Variants in CSF2RA observed in about 807,000 individuals in gnomAD.
The protein encoded by CSF2RA is granulocyte-macrophage colony-stimulating factor receptor subunit alpha.
CSF2RA carries 42 observed loss-of-function variants against 51.6 expected under a neutral mutation model. The observed-to-expected ratio is 0.81, with a 90% CI of 0.64 to 1.05. The LOEUF is 1.05. Ranked by LOEUF, CSF2RA falls within the 50% of genes least tolerant of loss-of-function variation. The pLI is 0.00. For missense variants in CSF2RA, 530 were observed against 501.1 expected (o/e 1.06, Z -0.55); for synonymous variants, 222 against 193.0 (o/e 1.15, Z -1.24).
chrX:1,287,077 ATAAT>A (rs1289946656), intron 4 of CSF2RA: 1 of 151,536 alleles, frequency 6.6e-6, no homozygotes, highest in African/African-American at 2.4e-5. Context: ...TGGAAGATTG[ATAAT>A]CAATTCTATA....
chrX:1,294,576 G>A lies in CSF2RA; in HGVS notation c.780+115G>A. On this transcript the variant is annotated intron_variant, in intron 8 of 12. Coordinates refer to ENST00000381529, the MANE Select transcript of CSF2RA (RefSeq NM_172245.4). ...TGGGGGAAGGATGCGTGGGTGGTGA[G>A]CGGTGACTCTGGGGTGAACGCACTT... 7.2e-6 allele frequency: 10 copies of A among 1,393,328 alleles called. No individual in the cohort carries two copies. In the South Asian group the frequency reaches 9.5e-5, roughly 13 times the overall value. The allele number at this position is 1,393,328 out of a possible 1,614,324, so 86.3% of individuals were successfully genotyped here.
chrX:1,283,546 C>A (rs1219282730), intron 3 of CSF2RA, among the ~76,000 whole-genome samples: 1 of 119,364 alleles, frequency 8.4e-6, no homozygotes, highest in Non-Finnish European at 1.7e-5. Context: ...CCTCTTTCTT[C>A]TTTCTTTCTT....
At chrX:1,289,989 GTTT>G (rs1174809267) in intron 6 of CSF2RA, among the ~76,000 whole-genome samples, 3 of 86,000 alleles carry the variant, frequency 3.5e-5, no homozygotes, top group African/African-American at 1.3e-4. Context: ...GTGTTTTTGT[GTTT>G]TTGTTTTGTG....
rs781137976 is a variant in CSF2RA at position 1,282,795 on chromosome X, T to G, written c.76+16T>G. On this transcript the variant is annotated intron_variant, in intron 3 of 12. Coordinates refer to ENST00000381529, the MANE Select transcript of CSF2RA (RefSeq NM_172245.4). ...GAGAAATCGGGTAAGTATGGAAACC[T>G]GGCTGAACCTTCTCCGCGGCCCCTG... 2.5e-6 allele frequency: 4 copies of G among 1,607,420 alleles called. No homozygotes were observed. Among genetic ancestry groups the G allele is most frequent in the Admixed American group, 1.7e-5 (1 of 59,962 alleles).
chrX:1,271,612 G>A (rs2088439968), intron 1 of CSF2RA, among the ~76,000 whole-genome samples: 1 of 152,060 alleles, frequency 6.6e-6, no homozygotes, highest in Non-Finnish European at 1.5e-5. Context: ...CGCCTCCCGG[G>A]TTCAAGTGAT....
At chrX:1,282,071 G>A (rs2090134389) in intron 2 of CSF2RA, 1 of 143,626 alleles carries the variant, frequency 7.0e-6, no homozygotes, top group South Asian at 2.3e-4. Flanking sequence ...TGGGTGTGGT[G>A]GCAGGCGCCT....
chrX:1,286,535 C>G (rs1259338596), intron 4 of CSF2RA, among the ~76,000 whole-genome samples: 4 of 151,212 alleles, frequency 2.6e-5, no homozygotes, highest in Admixed American at 1.3e-4. Context: ...TGCCATTGCA[C>G]TCCAGCCTGG....
the CSF2RA span, among the ~76,000 whole-genome samples, chrX:1,325,087 G>A: frequency 5.3e-5 from 8 of 151,580 alleles, no homozygotes; most frequent in African/African-American, 1.7e-4. Flanking sequence ...CATACTTTGC[G>A]CCGTGGCTCA....
intron 3 of CSF2RA, among the ~76,000 whole-genome samples, chrX:1,284,669 T>C (rs1468224034): frequency 2.9e-3 from 385 of 132,044 alleles, no homozygotes; most frequent in East Asian, 0.014. Flanking sequence ...GATTTTTTTT[T>C]TTTTTTTTTT....
At position 1,285,770 on chromosome X, in the gene CSF2RA, C is replaced by T; in HGVS notation, c.77-8C>T. The stretch of plus-strand genomic sequence containing the variant: ...GGAAATTCTGAACCCAGTGCCCGCT[C>T]CTTGCAGATCTGCGAACAGTGGCAC... On this transcript the variant is annotated splice_region_variant and splice_polypyrimidine_tract_variant and intron_variant, in intron 3 of 12. Transcript: ENST00000381529. 6.2e-7 allele frequency: 1 copy of T among 1,612,358 alleles called. No individual in the cohort carries two copies. Among genetic ancestry groups the T allele is most frequent in the Non-Finnish European group, 8.5e-7 (1 of 1,179,424 alleles).
intron 4 of CSF2RA, among the ~76,000 whole-genome samples, chrX:1,287,448 G>A (rs763458557): frequency 1.4e-4 from 20 of 146,280 alleles, no homozygotes; most frequent in South Asian, 1.1e-3. Flanking sequence ...CACCGTGTCC[G>A]ACCTTTATTT....
the CSF2RA span, among the ~76,000 whole-genome samples, chrX:1,322,997 C>G: frequency 1.3e-5 from 2 of 151,466 alleles, no homozygotes; most frequent in Non-Finnish European, 2.9e-5. Context: ...GGCGTGGTGG[C>G]GGGCGCCTGT....
At position 1,271,949 on chromosome X, in the gene CSF2RA, C is replaced by CT. The variant is rs1387778402; in HGVS notation, c.-90-2797dup. On this transcript the variant is annotated intron_variant, in intron 1 of 12. Coordinates refer to ENST00000381529, the MANE Select transcript of CSF2RA (RefSeq NM_172245.4). ...TGATTAATAAGAGAAAAGACATGCA[C>CT]TTTTTTTTTCTTTTTTTTTTTTGAG... Among the ~76,000 whole-genome samples the CT allele has an allele frequency of 3.3e-5, 5 of 149,898 alleles. No individual in the cohort carries two copies. The South Asian group carries it at 6.4e-4, about 19-fold the overall frequency.
chrX:1,302,041 C>T (rs186708385), intron 10 of CSF2RA, among the ~76,000 whole-genome samples: 106 of 151,384 alleles, frequency 7.0e-4, no homozygotes, highest in Non-Finnish European at 1.3e-3. Flanking sequence ...CTCAGTCTCC[C>T]GAGTAGCTGG....
At chrX:1,300,306 G>A (rs1170066273) in intron 9 of CSF2RA, 185 bp from the exon 10 acceptor site, 9 of 675,174 alleles carry the variant, frequency 1.3e-5, no homozygotes, top group Admixed American at 8.8e-5. Flanking sequence ...AAATACTAAC[G>A]AGGCTTGACT....
chrX:1,294,841 A>AT (rs2091763881), intron 8 of CSF2RA, among the ~76,000 whole-genome samples: 3 of 24,980 alleles, frequency 1.2e-4, no homozygotes, highest in Admixed American at 2.3e-4. Context: ...AGGACACCCG[A>AT]CCCCACCTCC....
chrX:1,313,331 G>C (rs1441296584), downstream of CSF2RA, among the ~76,000 whole-genome samples: 1 of 152,094 alleles, frequency 6.6e-6, no homozygotes, highest in African/African-American at 2.4e-5. Flanking sequence ...CTACTCAGGA[G>C]GCTGAGGCAG....
the CSF2RA span, among the ~76,000 whole-genome samples, chrX:1,315,808 T>C: frequency 1.2e-5 from 1 of 81,232 alleles, no homozygotes; most frequent in African/African-American, 3.7e-5. Flanking sequence ...GATAGATAGA[T>C]AGATAGATAG....
chrX:1,309,065 C>A (rs1197641583), intron 12 of CSF2RA, among the ~76,000 whole-genome samples: 2 of 152,052 alleles, frequency 1.3e-5, no homozygotes, highest in African/African-American at 2.4e-5. Context: ...CCCATCTCCA[C>A]TGAAAGTACA....
Sources: gnomAD v4.1 joint callset for allele counts (sites outside exome capture counted in the v4.1 genomes callset) on GRCh38, gnomAD v4.1.1 for gene constraint, MANE v1.5 for transcripts, NCBI Gene and HGNC (gene_info 2026-07-23, HGNC 2026-07-21) for gene names.